Variants in ZNF486 observed in about 807,000 individuals in gnomAD.
ZNF486 encodes zinc finger protein 486.
Under a neutral mutation model 12.8 loss-of-function variants are expected in ZNF486, and 12 were observed. The observed-to-expected ratio is 0.94, with a 90% confidence interval of 0.60 to 1.52. The LOEUF is 1.52. ZNF486 is among the 40% of genes most tolerant of loss of function. ZNF486 has a pLI of 0.00. For synonymous variants in ZNF486, 231 were observed against 184.9 expected (o/e 1.25, Z -2.02); for missense variants, 738 against 545.0 (o/e 1.35, Z -3.53).
chr19:20,188,906 T>C (rs1180556629), intron 3 of ZNF486: 1 of 154,382 alleles, frequency 6.5e-6, no homozygotes, highest in African/African-American at 2.4e-5. Context: ...TCTTAAAATG[T>C]GACAAGATTA....
chr19:20,188,293 A>C (rs192822276), intron 3 of ZNF486: 6 of 394,818 alleles, frequency 1.5e-5, no homozygotes, highest in African/African-American at 1.2e-4. Context: ...GGTAATTTTC[A>C]AAAAGATTTA....
At chr19:20,177,669 G>C (rs1026831219) in intron 1 of ZNF486, among the ~76,000 whole-genome samples, 2 of 151,994 alleles carry the variant, frequency 1.3e-5, no homozygotes, top group African/African-American at 2.4e-5. Flanking sequence ...CCGCCTCCCA[G>C]GTTCAAGTGA....
At chr19:20,177,279 C>T (rs2089730370) in intron 1 of ZNF486, among the ~76,000 whole-genome samples, 1 of 152,248 alleles carries the variant, frequency 6.6e-6, no homozygotes, top group Non-Finnish European at 1.5e-5. Context: ...AAATATAGAA[C>T]ACTATTCAAC....
At chr19:20,188,366 A>G (rs1172328904) in intron 3 of ZNF486, 1 of 398,254 alleles carries the variant, frequency 2.5e-6, no homozygotes, top group Admixed American at 4.4e-5. Context: ...ATAACATAAA[A>G]TTTACCATCT....
At chr19:20,192,734 A>G (rs555188655) in intron 3 of ZNF486, among the ~76,000 whole-genome samples, 1 of 152,282 alleles carries the variant, frequency 6.6e-6, no homozygotes, top group South Asian at 2.1e-4. Flanking sequence ...GGTTACAAGT[A>G]TGTGTCATCA....
chr19:20,179,887 G>C (rs782027375), intron 1 of ZNF486, among the ~76,000 whole-genome samples: 1 of 152,196 alleles, frequency 6.6e-6, no homozygotes, highest in Non-Finnish European at 1.5e-5. Context: ...AGGCCACAAA[G>C]TATCCAGAGC....
At chr19:20,195,069 G>A (rs72998661) in intron 3 of ZNF486, among the ~76,000 whole-genome samples, 2,883 of 152,064 alleles carry the variant, frequency 0.019, 35 homozygotes, top group South Asian at 0.029. Flanking sequence ...GTGCAGTGGC[G>A]TGTTCTCAGC....
intron 1 of ZNF486, among the ~76,000 whole-genome samples, chr19:20,172,195 A>G (rs2089655355): frequency 6.6e-6 from 1 of 150,770 alleles, no homozygotes; most frequent in African/African-American, 2.4e-5. Context: ...TAGAGACAGG[A>G]TTTCTCCACG....
At chr19:20,192,385 A>C (rs530256374) in intron 3 of ZNF486, among the ~76,000 whole-genome samples, 1 of 152,294 alleles carries the variant, frequency 6.6e-6, no homozygotes, top group East Asian at 1.9e-4. Context: ...AGCTCACTGC[A>C]ACCTCTGCCT....
intron 3 of ZNF486, among the ~76,000 whole-genome samples, chr19:20,186,771 A>C (rs1214805769): frequency 6.9e-6 from 1 of 144,270 alleles, no homozygotes; most frequent in Non-Finnish European, 1.5e-5. Flanking sequence ...GATCTTCTCT[A>C]ATATTTTCAT....
At chr19:20,196,183 T>C (rs956297117) in intron 3 of ZNF486, among the ~76,000 whole-genome samples, 15 of 152,122 alleles carry the variant, frequency 9.9e-5, no homozygotes, top group African/African-American at 3.6e-4. Flanking sequence ...CCTGGCTAAT[T>C]TGTTTGTATT....
At chr19:20,176,635 C>T in intron 1 of ZNF486, 1 of 164,786 alleles carries the variant, frequency 6.1e-6, no homozygotes, top group South Asian at 1.2e-4. Flanking sequence ...CCAGCCCGGC[C>T]AACACAGCGA....
chr19:20,177,935 C>CTTTTTTTTTTTTTTTTTTTT lies in ZNF486; in HGVS notation c.31-6412_31-6411insTTTTTTTTTTTTTTTTTTTT, dbSNP rs1241165221. Among the ~76,000 whole-genome samples the CTTTTTTTTTTTTTTTTTTTT allele has an allele frequency of 4.1e-5, 6 of 145,170 alleles. 1 individual carries two copies. The highest frequency in any genetic ancestry group is 1.3e-4 in the African/African-American group (5 of 37,692). On this transcript the variant is annotated intron_variant, in intron 1 of 3. Coordinates refer to ENST00000335117, the MANE Select transcript of ZNF486 (RefSeq NM_052852.4). ...TTTTCTGGGGCTGTAAACATTTGTT[C>CTTTTTTTTTTTTTTTTTTTT]TTTTTTTTTGAGACGAAGTCTCTCA...
intron 1 of ZNF486, among the ~76,000 whole-genome samples, chr19:20,173,673 CA>C (rs200107422): frequency 2.0e-5 from 3 of 150,450 alleles, no homozygotes; most frequent in African/African-American, 7.3e-5. Context: ...ACTAAAAATA[CA>C]AAAAAAAATT....
chr19:20,192,577 G>A (rs2089913064), intron 3 of ZNF486, among the ~76,000 whole-genome samples: 1 of 152,090 alleles, frequency 6.6e-6, no homozygotes, highest in Admixed American at 6.6e-5. Flanking sequence ...CAAAGTGCTG[G>A]GATTACAGGC....
chr19:20,180,669 G>A (rs1249069123), intron 1 of ZNF486, among the ~76,000 whole-genome samples: 1 of 152,230 alleles, frequency 6.6e-6, no homozygotes. Context: ...TGCCACTTGG[G>A]TTCAAGCGAT....
intron 3 of ZNF486, among the ~76,000 whole-genome samples, chr19:20,193,711 A>G (rs2089926574): frequency 6.6e-6 from 1 of 152,158 alleles, no homozygotes; most frequent in Non-Finnish European, 1.5e-5. Flanking sequence ...TTATATATAT[A>G]TTTAAATCGT....
intron 1 of ZNF486, among the ~76,000 whole-genome samples, chr19:20,179,715 C>G (rs1180505856): frequency 6.6e-6 from 1 of 152,122 alleles, no homozygotes; most frequent in African/African-American, 2.4e-5. Context: ...TGTAAGTTGT[C>G]AAGATAGATA....
At chr19:20,191,889 T>G (rs1024775342) in intron 3 of ZNF486, among the ~76,000 whole-genome samples, 2 of 152,234 alleles carry the variant, frequency 1.3e-5, no homozygotes, top group Non-Finnish European at 2.9e-5. Flanking sequence ...CTGAATTTTC[T>G]ATTTATTATT....
Sources: gnomAD v4.1 joint callset for allele counts (sites outside exome capture counted in the v4.1 genomes callset) on GRCh38, gnomAD v4.1.1 for gene constraint, MANE v1.5 for transcripts, NCBI Gene and HGNC (gene_info 2026-07-23, HGNC 2026-07-21) for gene names.